The following CDK19 variants were observed in gnomAD, a reference collection of about 807,000 sequenced individuals.
The protein encoded by CDK19 is cyclin-dependent kinase 19.
CDK19 carries 20 observed loss-of-function variants against 68.3 expected under a neutral mutation model. That is an observed-to-expected ratio of 0.29 (90% CI 0.21 to 0.43). The LOEUF (loss-of-function observed/expected upper bound fraction) is 0.43. Ranked by LOEUF, CDK19 falls within the 20% of genes least tolerant of loss-of-function variation. The pLI, the probability that CDK19 is intolerant of heterozygous loss-of-function variation, is 1.00. For synonymous variants in CDK19, 221 were observed against 222.8 expected (o/e 0.99, Z 0.07); for missense variants, 339 against 623.5 (o/e 0.54, Z 4.86).
chr6:110,711,494 C>A (rs534582946), intron 2 of CDK19, among the ~76,000 whole-genome samples: 1 of 151,780 alleles, frequency 6.6e-6, no homozygotes, highest in African/African-American at 2.4e-5. Context: ...ATTTACGTAT[C>A]AATTAAAACC....
intron 2 of CDK19, among the ~76,000 whole-genome samples, chr6:110,688,069 G>T (rs530416528): frequency 2.6e-5 from 4 of 151,974 alleles, no homozygotes; most frequent in Non-Finnish European, 4.4e-5. Flanking sequence ...CACCCACAAC[G>T]GGGAAAGGTT....
chr6:110,632,769 A>C lies in CDK19; in HGVS notation c.515-608T>G, dbSNP rs549788371. On this transcript the variant is annotated intron_variant, in intron 5 of 12. Transcript: ENST00000368911. ...AAGATATTCTGATTTGCCTAAGGTCACACAGCTAGTAAGTGCAGAGGCAGA... is the reference window on the plus strand; with the variant it reads ...AAGATATTCTGATTTGCCTAAGGTCCCACAGCTAGTAAGTGCAGAGGCAGA... 2.0e-5 allele frequency among the ~76,000 whole-genome samples: 3 copies of C among 152,290 alleles called. No homozygotes were observed. The South Asian group carries it at 6.2e-4, about 32-fold the overall frequency.
intron 1 of CDK19, among the ~76,000 whole-genome samples, chr6:110,801,851 C>T (rs1170138720): frequency 1.3e-5 from 2 of 152,206 alleles, no homozygotes; most frequent in Admixed American, 6.5e-5. Context: ...AAAAAGACAA[C>T]CCTATTAAAA....
intron 1 of CDK19, among the ~76,000 whole-genome samples, chr6:110,747,635 T>TTA (rs1180394521): frequency 6.6e-6 from 1 of 152,226 alleles, no homozygotes; most frequent in Non-Finnish European, 1.5e-5. Flanking sequence ...AGTGCTAATA[T>TTA]TATATTGCCT....
intron 1 of CDK19, among the ~76,000 whole-genome samples, chr6:110,771,050 T>G (rs1250467519): frequency 6.6e-6 from 1 of 152,116 alleles, no homozygotes; most frequent in Non-Finnish European, 1.5e-5. Flanking sequence ...CGGGCTGGTG[T>G]TGAGTGTCTG....
intron 2 of CDK19, among the ~76,000 whole-genome samples, chr6:110,714,722 C>CTTTTTTTTTTTTTTTTTTTTT: frequency 1.4e-5 from 1 of 69,856 alleles, no homozygotes; most frequent in East Asian, 2.8e-4. Context: ...AATGTCTTTT[C>CTTTTTTTTTTTTTTTTTTTTT]TTTTTTTTTT....
chr6:110,775,013 C>T (rs1466864717), intron 1 of CDK19, among the ~76,000 whole-genome samples: 1 of 151,532 alleles, frequency 6.6e-6, no homozygotes, highest in Non-Finnish European at 1.5e-5. Context: ...TTTGGGAGGC[C>T]GAGGCAGGCA....
At chr6:110,791,028 GGGCATGGT>G (rs1562291503) in intron 1 of CDK19, among the ~76,000 whole-genome samples, 1 of 152,048 alleles carries the variant, frequency 6.6e-6, no homozygotes, top group East Asian at 1.9e-4. Context: ...AAAATTAGCC[GGGCATGGT>G]GGCAGGCACC....
chr6:110,742,404 C>CGT (rs1334514457), intron 2 of CDK19, among the ~76,000 whole-genome samples: 1 of 152,118 alleles, frequency 6.6e-6, no homozygotes, highest in Non-Finnish European at 1.5e-5. Context: ...GATTGTAAAA[C>CGT]GTGTGTTTGA....
intron 2 of CDK19, among the ~76,000 whole-genome samples, chr6:110,735,686 G>A (rs1183595351): frequency 1.3e-5 from 2 of 152,164 alleles, no homozygotes; most frequent in African/African-American, 4.8e-5. Context: ...AAATTAAGCA[G>A]AATAAGTAGC....
At chr6:110,718,021 T>C (rs1416043838) in intron 2 of CDK19, among the ~76,000 whole-genome samples, 1 of 152,096 alleles carries the variant, frequency 6.6e-6, no homozygotes, top group Non-Finnish European at 1.5e-5. Context: ...AGCCTGTTTG[T>C]CCCTTCTGCC....
chr6:110,697,514 C>G (rs1197297845), intron 2 of CDK19, among the ~76,000 whole-genome samples: 1 of 152,100 alleles, frequency 6.6e-6, no homozygotes, highest in Non-Finnish European at 1.5e-5. Flanking sequence ...TCATAGATGA[C>G]ATGAACAAAT....
At chr6:110,669,618 A>T (rs1011795351) in intron 3 of CDK19, among the ~76,000 whole-genome samples, 1 of 152,206 alleles carries the variant, frequency 6.6e-6, no homozygotes, top group African/African-American at 2.4e-5. Flanking sequence ...TTGTCTCTAT[A>T]AAACATTTTT....
At chr6:110,769,167 A>AAC in intron 1 of CDK19, among the ~76,000 whole-genome samples, 1 of 151,588 alleles carries the variant, frequency 6.6e-6, no homozygotes, top group South Asian at 2.1e-4. Flanking sequence ...AAAAAAAAAA[A>AAC]AAAAAAAACC....
At chr6:110,814,961 G>A in intron 1 of CDK19, 48 bp downstream of exon 1, 1 of 1,594,618 alleles carries the variant, frequency 6.3e-7, no homozygotes, top group African/African-American at 1.4e-5. Flanking sequence ...CAGGTCGCGG[G>A]CAGGGCGAGG....
At chr6:110,796,018 T>C (rs1781913491) in intron 1 of CDK19, among the ~76,000 whole-genome samples, 2 of 152,182 alleles carry the variant, frequency 1.3e-5, no homozygotes, top group Admixed American at 6.6e-5. Flanking sequence ...ACTACTTATG[T>C]CCAAACAACA....
rs368156181 is a variant in CDK19, at chr6:110,788,914, C to T, written c.128+26095G>A. ...CACTTCTGGCATGATTAGTGGCACT[C>T]CATATGGGTGCCATGGTGTTATTCA... On this transcript the variant is annotated intron_variant, in intron 1 of 12. Transcript: ENST00000368911. Among the ~76,000 whole-genome samples, 40 of 152,230 alleles carry T rather than the reference C, an allele frequency of 2.6e-4. No individual in the cohort carries two copies. In the East Asian group the frequency reaches 7.3e-3, roughly 28 times the overall value.
At chr6:110,634,399 G>A (rs762113169) in intron 5 of CDK19, among the ~76,000 whole-genome samples, 1 of 152,114 alleles carries the variant, frequency 6.6e-6, no homozygotes, top group African/African-American at 2.4e-5. Flanking sequence ...TGTATTTTTA[G>A]TAGAGATGGG....
At chr6:110,735,926 C>T (rs9400411) in intron 2 of CDK19, among the ~76,000 whole-genome samples, 4 of 152,052 alleles carry the variant, frequency 2.6e-5, no homozygotes, top group African/African-American at 9.7e-5. Context: ...TGAGAATGAC[C>T]GGAAAGTTCA....
Sources: gnomAD v4.1 joint callset for allele counts (sites outside exome capture counted in the v4.1 genomes callset) on GRCh38, gnomAD v4.1.1 for gene constraint, MANE v1.5 for transcripts, NCBI Gene and HGNC (gene_info 2026-07-23, HGNC 2026-07-21) for gene names.